The following C10orf71 variants were observed in gnomAD, a reference collection of about 807,000 sequenced individuals.
C10orf71 encodes cardiac-enriched FHL2-interacting protein.
For synonymous variants in C10orf71, 758 were observed against 726.3 expected (o/e 1.04, Z -0.70); for missense variants, 1,869 against 1,804.5 (o/e 1.04, Z -0.65).
Position 49,325,839 on chromosome 10 carries a change from C to G in C10orf71, c.3294C>G (p.Pro1098=). The G allele has an allele frequency of 6.4e-7, 1 of 1,551,342 alleles. No individual in the cohort carries two copies. The highest frequency in any genetic ancestry group is 8.7e-7 in the Non-Finnish European group (1 of 1,146,774). Residue 1098 remains proline, a synonymous_variant, in exon 3 of 3, where the codon CCC becomes CCG. Transcript: ENST00000374144. ...CCGAGGAGCCTAATCAAGCCAGCCC[C>G]TGGGCCAGCTCCAGTCCTGCCAGGG... The part of the protein sequence containing the change: ...LLPEEPNQAS[P]WASSSPARVT...
At position 49,322,697 on chromosome 10, in the gene C10orf71, C is replaced by T. The variant is rs1029310673; in HGVS notation, c.152C>T (p.Ser51Phe). 9.3e-6 allele frequency: 15 copies of T among 1,613,860 alleles called. No individual in the cohort carries two copies. The highest frequency in any genetic ancestry group is 2.7e-5 in the African/African-American group (2 of 74,950). ...CISEDTSFHD[S>F]YLAVSPDITR... Reference sequence around the variant, plus strand: ...TCCGAGGACACATCCTTCCATGACTCCTATCTGGCTGTGTCCCCGGATATC... The same window carrying T: ...TCCGAGGACACATCCTTCCATGACTTCTATCTGGCTGTGTCCCCGGATATC... Residue 51 changes from serine (S) to phenylalanine (F), a missense_variant, in exon 3 of 3, where the codon TCC (serine) becomes TTC (phenylalanine). Physicochemically the swap from Ser to Phe is radical, Grantham distance 155. Transcript: ENST00000374144.
At position 49,327,203 on chromosome 10, in the gene C10orf71, T is replaced by A; in HGVS notation, c.*350T>A. ...CCTCGCCCTGCAAATTAGGTGGGTG[T>A]GGCAAGGGCACCGCCTGGTCCCAAG... On this transcript the variant is annotated 3_prime_UTR_variant, in exon 3 of 3. Transcript: ENST00000374144. 2 of 503,308 alleles carry A rather than the reference T, an allele frequency of 4.0e-6. No homozygotes were observed. Among genetic ancestry groups the A allele is most frequent in the Non-Finnish European group, 6.7e-6 (2 of 297,826 alleles). The allele number at this position is 503,308 out of a possible 1,614,324, so 31.2% of individuals were successfully genotyped here.
At chr10:49,315,331 T>A (rs190911474) in intron 1 of C10orf71, among the ~76,000 whole-genome samples, 31 of 152,334 alleles carry the variant, frequency 2.0e-4, no homozygotes, top group African/African-American at 6.0e-4. Context: ...GGATTTATTT[T>A]AATTAGTTCA....
chr10:49,321,058 G>A (rs1849086002), intron 2 of C10orf71, among the ~76,000 whole-genome samples: 1 of 151,756 alleles, frequency 6.6e-6, no homozygotes, highest in African/African-American at 2.4e-5. Context: ...TTTATTATTT[G>A]TGTATGTGTG....
In C10orf71 at chr10:49,323,169, C is replaced by G. The variant is rs4838383; in HGVS notation, c.624C>G (p.Asn208Lys). ...VPAEVSNTHQ[N>K]SYQPGRKHGE... ...CTGAAGTTTCCAACACCCATCAGAA[C>G]AGCTACCAGCCAGGCAGGAAGCACG... Residue 208 changes from asparagine to lysine, a missense_variant, in exon 3 of 3, where the codon AAC becomes AAG. By Grantham distance (94) the Asn-to-Lys change is moderately conservative. Transcript: ENST00000374144. The G allele has an allele frequency of 0.054, 87,654 of 1,613,836 alleles. 3,310 individuals are homozygous for G. Among genetic ancestry groups the G allele is most frequent in the East Asian group, 0.23 (10,229 of 44,836 alleles).
chr10:49,311,152 T>C (rs11101084), intron 1 of C10orf71, among the ~76,000 whole-genome samples: 51,045 of 151,954 alleles, frequency 0.34, 10,637 homozygotes, highest in Non-Finnish European at 0.47. Flanking sequence ...TCTCTCCTCA[T>C]GGGTGATTGT....
In C10orf71 at chr10:49,314,747, TG is replaced by T. The variant is rs150437260; in HGVS notation, c.-247-1395del. On this transcript the variant is annotated intron_variant, in intron 1 of 2. Transcript: ENST00000374144. The stretch of plus-strand genomic sequence containing the variant: ...TGGCCTTATTATTTAGAGATGCAAA[TG>T]GGCTGATCTGAATTTTTTGGAAGGC... Among the ~76,000 whole-genome samples the T allele has an allele frequency of 1.6e-3, 248 of 152,248 alleles. 2 individuals are homozygous for T. Among genetic ancestry groups the T allele is most frequent in the African/African-American group, 5.0e-3 (207 of 41,544 alleles).
In C10orf71 at chr10:49,322,887, A is replaced by G; in HGVS notation, c.342A>G (p.Lys114=). 1 of 1,613,910 alleles carries G rather than the reference A, an allele frequency of 6.2e-7. No individual in the cohort carries two copies. Among genetic ancestry groups the G allele is most frequent in the Non-Finnish European group, 8.5e-7 (1 of 1,179,856 alleles). The change falls in exon 3 of 3, where the codon AAA becomes AAG. Residue 114 remains lysine, a synonymous_variant. Transcript: ENST00000374144. ...TTCAGGGAGAGGAAAAGTACCCCAA[A>G]ACCAGCCCCCCACCAACGCCAGTCC... ...KYVQGEEKYP[K]TSPPPTPVQR...
At chr10:49,311,614 C>T (rs560536926) in intron 1 of C10orf71, among the ~76,000 whole-genome samples, 13 of 152,260 alleles carry the variant, frequency 8.5e-5, no homozygotes, top group African/African-American at 2.9e-4. Flanking sequence ...ATAGATTCAC[C>T]GCAGTGCAGG....
Position 49,300,379 on chromosome 10 carries a change from C to T in C10orf71, c.-248+1146C>T, listed in dbSNP as rs575607257. ...ACCATATGGCCTGCAAAACTGAAAA[C>T]GCTTACAATGTGGCCCTTTACAGAA... On this transcript the variant is annotated intron_variant, in intron 1 of 2. Coordinates refer to ENST00000374144, the MANE Select transcript of C10orf71 (RefSeq NM_001135196.2). Among the ~76,000 whole-genome samples the T allele has an allele frequency of 8.0e-5, 12 of 150,126 alleles. No individual in the cohort carries two copies. The South Asian group carries it at 1.3e-3, about 16-fold the overall frequency.
intron 1 of C10orf71, among the ~76,000 whole-genome samples, chr10:49,310,802 G>GGTGA (rs1564684839): frequency 5.4e-5 from 3 of 55,230 alleles, no homozygotes; most frequent in African/African-American, 1.1e-4. Context: ...GATGATGATG[G>GGTGA]TGATGATGAT....
At chr10:49,307,700 A>C (rs1259527379) in intron 1 of C10orf71, among the ~76,000 whole-genome samples, 1 of 152,204 alleles carries the variant, frequency 6.6e-6, no homozygotes, top group Non-Finnish European at 1.5e-5. Flanking sequence ...CAGTGCTACA[A>C]ATCCAGTGCT....
intron 1 of C10orf71, among the ~76,000 whole-genome samples, chr10:49,302,798 T>G (rs1222703829): frequency 6.6e-6 from 1 of 152,150 alleles, no homozygotes; most frequent in East Asian, 1.9e-4. Context: ...CTCAGGACTT[T>G]GGGAAGTTGC....
chr10:49,301,124 G>A (rs7904771), intron 1 of C10orf71, among the ~76,000 whole-genome samples: 2,099 of 152,236 alleles, frequency 0.014, 49 homozygotes, highest in African/African-American at 0.048. Context: ...CAAGCCTGCT[G>A]GTGGCACCAG....
chr10:49,327,142 C>T lies in C10orf71; in HGVS notation c.*289C>T. 1 of 971,294 alleles carries T rather than the reference C, an allele frequency of 1.0e-6. No individual in the cohort carries two copies. The highest frequency in any genetic ancestry group is 3.1e-5 in the Admixed American group (1 of 32,648). 60.2% of individuals were successfully genotyped at this position (971,294 alleles called of 1,614,324 possible). On this transcript the variant is annotated 3_prime_UTR_variant, in exon 3 of 3. Transcript: ENST00000374144. Reference sequence around the variant, plus strand: ...ACTCTACTCCAGCCCTTCTCCCTCCCTCCCTTCCTCCCTCTCCTGGCCCAC... The same window carrying T: ...ACTCTACTCCAGCCCTTCTCCCTCCTTCCCTTCCTCCCTCTCCTGGCCCAC...
chr10:49,321,827 C>G (rs1167233993), intron 2 of C10orf71, among the ~76,000 whole-genome samples: 1 of 152,134 alleles, frequency 6.6e-6, no homozygotes, highest in Non-Finnish European at 1.5e-5. Flanking sequence ...TTTTTATATA[C>G]CTGTTTGCCA....
chr10:49,322,722 C>T lies in C10orf71; in HGVS notation c.177C>T (p.Ile59=). ...CCTATCTGGCTGTGTCCCCGGATAT[C>T]ACCCGACAGGTGTTTGGGACTTTTC... ...HDSYLAVSPD[I]TRQVFGTFHQ... Residue 59 remains isoleucine, a synonymous_variant, in exon 3 of 3, where the codon ATC becomes ATT. Transcript: ENST00000374144. 1 of 1,613,988 alleles carries T rather than the reference C, an allele frequency of 6.2e-7. No individual in the cohort carries two copies. Among genetic ancestry groups the T allele is most frequent in the African/African-American group, 1.3e-5 (1 of 75,062 alleles).
At position 49,322,466 on chromosome 10, in the gene C10orf71, G is replaced by C. The variant is rs900397281; in HGVS notation, c.-80G>C. 1.1e-5 allele frequency: 16 copies of C among 1,444,082 alleles called. No homozygotes were observed. The highest frequency in any genetic ancestry group is 1.5e-5 in the Non-Finnish European group (16 of 1,093,390). The allele number at this position is 1,444,082 out of a possible 1,614,324, so 89.5% of individuals were successfully genotyped here. On this transcript the variant is annotated 5_prime_UTR_variant, in exon 3 of 3. Transcript: ENST00000374144. ...AATGAGAGGCTCTAGTTTTGGGGAA[G>C]AGGGAAACACCTAACCTTGACAGAA... is the stretch of plus-strand genomic sequence containing the variant.
At position 49,324,524 on chromosome 10, in the gene C10orf71, C is replaced by T; in HGVS notation, c.1979C>T (p.Thr660Ile). The change falls in exon 3 of 3, where the codon ACA becomes ATA. Residue 660 changes from threonine to isoleucine, a missense_variant. Physicochemically the swap from Thr to Ile is moderately conservative, Grantham distance 89. Coordinates refer to ENST00000374144, the MANE Select transcript of C10orf71 (RefSeq NM_001135196.2). ...AGGGATCCTGAGCCTGGAGGGGCTA[C>T]AGAGAAAATGAAGACCCACCAGCTA... The part of the protein sequence containing the change: ...CNRDPEPGGA[T>I]EKMKTHQLEN... The T allele has an allele frequency of 7.4e-6, 12 of 1,612,976 alleles. No homozygotes were observed. The highest frequency in any genetic ancestry group is 1.0e-5 in the Non-Finnish European group (12 of 1,179,434).
Sources: allele counts gnomAD v4.1 joint callset (sites outside exome capture counted in the v4.1 genomes callset), GRCh38; gene constraint gnomAD v4.1.1; transcripts MANE v1.5; gene names NCBI Gene and HGNC (gene_info 2026-07-23, HGNC 2026-07-21).